ZFX: variants seen among roughly 807,000 people sequenced by gnomAD.
ZFX encodes the protein zinc finger protein X-linked, also known as zinc finger X-chromosomal protein.
For synonymous variants in ZFX, 196 were observed against 226.8 expected, an observed-to-expected ratio of 0.86 and a Z score of 1.22; for missense variants, 362 against 628.3, an observed-to-expected ratio of 0.58 and a Z score of 4.53.
rs772004358 is a variant in ZFX at position 24,190,326 on chromosome X, G to A, written c.646+10556G>A. ...TTTAAAGCTTTTTCAGATAAAATTC[G>A]AAAAGTGGTTATTTTAATCCATCTA... On this transcript the variant is annotated intron_variant, in intron 5 of 9. Transcript: ENST00000304543. Among the ~76,000 whole-genome samples the A allele has an allele frequency of 3.6e-5, 4 of 111,693 alleles. No homozygotes were observed. In the East Asian group the frequency reaches 1.1e-3, roughly 31 times the overall value.
At chrX:24,176,418 C>T (rs1168775501) in intron 4 of ZFX, among the ~76,000 whole-genome samples, 1 of 93,447 alleles carries the variant, frequency 1.1e-5, no homozygotes, top group Admixed American at 1.3e-4. Flanking sequence ...TTCTAATATT[C>T]TTTGGCCTTT....
chrX:24,201,633 A>T (rs1431790593), intron 5 of ZFX, among the ~76,000 whole-genome samples: 3 of 112,310 alleles, frequency 2.7e-5, no homozygotes, highest in African/African-American at 9.7e-5. Flanking sequence ...GTTTGGTGAT[A>T]ACTTTATCCC....
At chrX:24,156,660 C>CTTTTTTTTTTTT (rs767019753) in intron 3 of ZFX, among the ~76,000 whole-genome samples, 2,412 of 83,177 alleles carry the variant, frequency 0.029, 201 homozygotes, top group African/African-American at 0.063. Flanking sequence ...TAATAATAGC[C>CTTTTTTTTTTTT]TTTTTTTTTT....
At chrX:24,158,807 T>G (rs1203477821) in intron 3 of ZFX, among the ~76,000 whole-genome samples, 2 of 104,997 alleles carry the variant, frequency 1.9e-5, no homozygotes, top group Non-Finnish European at 3.9e-5. Flanking sequence ...CGGCTAATTT[T>G]TTTTTTTTTT....
At chrX:24,160,675 A>G (rs1213750660) in intron 3 of ZFX, among the ~76,000 whole-genome samples, 1 of 111,776 alleles carries the variant, frequency 8.9e-6, no homozygotes, top group Non-Finnish European at 1.9e-5. Context: ...GGTAATTAGC[A>G]TATCTGTCAC....
chrX:24,189,766 ACT>A (rs755332349), intron 5 of ZFX, among the ~76,000 whole-genome samples: 60 of 111,467 alleles, frequency 5.4e-4, no homozygotes, highest in African/African-American at 1.9e-3. Flanking sequence ...TAATGTATAA[ACT>A]CTGAGGGTCA....
intron 3 of ZFX, among the ~76,000 whole-genome samples, chrX:24,169,714 C>G (rs190170765): frequency 9.1e-6 from 1 of 110,417 alleles, no homozygotes; most frequent in Non-Finnish European, 1.9e-5. Context: ...GGGTTTTATC[C>G]GGATGAGAAT....
intron 3 of ZFX, among the ~76,000 whole-genome samples, chrX:24,158,967 G>C (rs908209661): frequency 5.4e-5 from 6 of 110,364 alleles, no homozygotes; most frequent in Non-Finnish European, 1.1e-4. Context: ...CTATTGGCGT[G>C]ATGAAGTCCA....
intron 3 of ZFX, among the ~76,000 whole-genome samples, chrX:24,161,217 A>C: frequency 8.9e-6 from 1 of 112,402 alleles, no homozygotes; most frequent in Non-Finnish European, 1.9e-5. Flanking sequence ...AGAGAAATGA[A>C]AGAAGACCTA....
intron 4 of ZFX, among the ~76,000 whole-genome samples, chrX:24,174,149 G>T (rs955986455): frequency 8.2e-5 from 9 of 110,062 alleles, no homozygotes; most frequent in African/African-American, 3.0e-4. Context: ...GGAGGCGGAG[G>T]TTGCAGTGAG....
intron 5 of ZFX, among the ~76,000 whole-genome samples, chrX:24,180,421 G>A (rs1313998245): frequency 1.9e-5 from 2 of 104,472 alleles, no homozygotes; most frequent in African/African-American, 3.5e-5. Context: ...TTGCTCTGTC[G>A]TCCAGGCTGG....
chrX:24,202,360 T>C (rs1243825621), intron 5 of ZFX, among the ~76,000 whole-genome samples: 2 of 111,763 alleles, frequency 1.8e-5, no homozygotes, highest in Non-Finnish European at 3.8e-5. Context: ...ATTGTCCTTT[T>C]GTTTGCCTTT....
At chrX:24,202,390 C>T (rs1937354038) in intron 5 of ZFX, among the ~76,000 whole-genome samples, 1 of 111,746 alleles carries the variant, frequency 8.9e-6, no homozygotes, top group Admixed American at 9.6e-5. Flanking sequence ...TGAAGAAATT[C>T]ACATGTTCCA....
chrX:24,210,514 A>C lies in ZFX; in HGVS notation c.1556A>C (p.His519Pro), dbSNP rs955071759. Residue 519 changes from histidine to proline, a missense_variant, in exon 10 of 10, where the codon CAC becomes CCC. Transcript: ENST00000304543. ...AAGGAAAAAGGAGCCAACAAAATGCACAAGTGTAAATTCTGTGAATACGAG... is the reference window on the plus strand; with the variant it reads ...AAGGAAAAAGGAGCCAACAAAATGCCCAAGTGTAAATTCTGTGAATACGAG... ...VHKEKGANKM[H>P]KCKFCEYETA... 2 of 1,210,270 alleles carry C rather than the reference A, an allele frequency of 1.7e-6. No homozygotes were observed. The highest frequency in any genetic ancestry group is 1.7e-5 in the African/African-American group (1 of 57,192).
At chrX:24,174,597 G>A (rs918780757) in intron 4 of ZFX, among the ~76,000 whole-genome samples, 36 of 110,026 alleles carry the variant, frequency 3.3e-4, no homozygotes, top group Non-Finnish European at 1.5e-4. Flanking sequence ...GTTTCACCAT[G>A]TTGGCTAGGA....
At chrX:24,164,689 T>C (rs909409340) in intron 3 of ZFX, among the ~76,000 whole-genome samples, 1 of 111,192 alleles carries the variant, frequency 9.0e-6, no homozygotes, top group Non-Finnish European at 1.9e-5. Flanking sequence ...CCCAGCACTT[T>C]GGGAGGCTGA....
At chrX:24,185,017 T>C (rs1935992738) in intron 5 of ZFX, among the ~76,000 whole-genome samples, 1 of 112,065 alleles carries the variant, frequency 8.9e-6, no homozygotes, top group African/African-American at 3.2e-5. Context: ...AGTGGTGCCA[T>C]CGCGGCTCAC....
chrX:24,168,133 T>C (rs1233703327), intron 3 of ZFX, among the ~76,000 whole-genome samples: 12 of 112,113 alleles, frequency 1.1e-4, no homozygotes, highest in Non-Finnish European at 1.7e-4. Context: ...AGATATTAAT[T>C]AGGCCTTAAA....
upstream of ZFX, chrX:24,149,073 C>G (rs1014708239): frequency 1.0e-5 from 1 of 99,829 alleles, no homozygotes; most frequent in Admixed American, 1.1e-4. Context: ...CTGGCAAGCC[C>G]GTTTTCATTT....
Sources: allele counts gnomAD v4.1 joint callset (sites outside exome capture counted in the v4.1 genomes callset), GRCh38; gene constraint gnomAD v4.1.1; transcripts MANE v1.5; gene names NCBI Gene and HGNC (gene_info 2026-07-23, HGNC 2026-07-21).